The following COLEC12 variants were observed in gnomAD, a reference collection of about 807,000 sequenced individuals.
The protein encoded by COLEC12 is collectin-12.
COLEC12 carries 33 observed loss-of-function variants against 71.1 expected under a neutral mutation model. That is an observed-to-expected ratio of 0.46 (90% CI 0.35 to 0.62). The LOEUF (loss-of-function observed/expected upper bound fraction) is 0.62, where lower values mean the gene tolerates loss of function less well. Among genes scored for constraint, COLEC12 ranks in the 20% least tolerant of loss-of-function variants. The pLI, the probability that COLEC12 is intolerant of heterozygous loss-of-function variation, is 0.00. For synonymous variants in COLEC12, 350 were observed against 353.0 expected, an observed-to-expected ratio of 0.99 and a Z score of 0.10; for missense variants, 765 against 916.1, an observed-to-expected ratio of 0.84 and a Z score of 2.13.
chr18:499,371 A>G lies in COLEC12; in HGVS notation c.7+1137T>C, dbSNP rs148100022. ...CTTGGAAAGGGAGTGAATTGGTAGG[A>G]TATCATCGCTCCGGTTAGTTCCGCG... On this transcript the variant is annotated intron_variant, in intron 1 of 9. Transcript: ENST00000400256. Among the ~76,000 whole-genome samples, 1,430 of 152,260 alleles carry G rather than the reference A, an allele frequency of 9.4e-3. 29 individuals carry two copies. Among genetic ancestry groups the G allele is most frequent in the African/African-American group, 0.032 (1,309 of 41,548 alleles).
chr18:483,219 G>A (rs908151167), intron 1 of COLEC12, among the ~76,000 whole-genome samples: 5 of 151,898 alleles, frequency 3.3e-5, no homozygotes, highest in African/African-American at 1.2e-4. Context: ...GGCCAACATG[G>A]CGAAACCCCA....
chr18:443,965 C>T (rs185560287), intron 2 of COLEC12, among the ~76,000 whole-genome samples: 26 of 152,294 alleles, frequency 1.7e-4, no homozygotes, highest in African/African-American at 6.0e-4. Context: ...CTCCCTTCAC[C>T]TTCTGCCATG....
intron 2 of COLEC12, among the ~76,000 whole-genome samples, chr18:381,142 A>G (rs561989880): frequency 6.6e-5 from 10 of 152,326 alleles, no homozygotes; most frequent in African/African-American, 2.4e-4. Context: ...AACTCCTTGC[A>G]TTGCAAGGCA....
chr18:335,266 C>A (rs7232394), intron 5 of COLEC12, 36 bp from the exon 6 acceptor site: 84,165 of 1,558,182 alleles, frequency 0.054, 2,448 homozygotes, highest in Middle Eastern at 0.083. Flanking sequence ...AACATGAAAT[C>A]CACTGTGAAT....
rs185974630 is a variant in COLEC12, at chr18:473,161, C to G, written c.58+7546G>C. 1.0e-3 allele frequency among the ~76,000 whole-genome samples: 153 copies of G among 152,230 alleles called. 2 individuals are homozygous for G. Among genetic ancestry groups the G allele is most frequent in the Non-Finnish European group, 1.9e-3 (128 of 68,012 alleles). ...GTATGTGAATCAGGACTGTCTCACT[C>G]GAAAGACTTGCTTCCTGGGCACCAC... On this transcript the variant is annotated intron_variant, in intron 2 of 9. Transcript: ENST00000400256.
chr18:484,832 G>C (rs1319760778), intron 1 of COLEC12, among the ~76,000 whole-genome samples: 2 of 152,214 alleles, frequency 1.3e-5, no homozygotes, highest in African/African-American at 4.8e-5. Flanking sequence ...TGTTCCCCCA[G>C]GCCCACTCCC....
intron 5 of COLEC12, among the ~76,000 whole-genome samples, chr18:337,724 G>A (rs373988191): frequency 1.2e-4 from 18 of 152,196 alleles, no homozygotes; most frequent in African/African-American, 4.1e-4. Flanking sequence ...ATTTGCACCC[G>A]CTAGTGAAGG....
At chr18:464,408 C>T (rs1917046681) in intron 2 of COLEC12, among the ~76,000 whole-genome samples, 1 of 152,234 alleles carries the variant, frequency 6.6e-6, no homozygotes, top group African/African-American at 2.4e-5. Context: ...ATGGGACAGG[C>T]ACTAATGCTC....
In COLEC12 at chr18:417,562, C is replaced by T. The variant is rs145781773; in HGVS notation, c.59-60040G>A. Among the ~76,000 whole-genome samples the T allele has an allele frequency of 1.8e-3, 269 of 152,276 alleles. 1 individual carries two copies. Among genetic ancestry groups the T allele is most frequent in the Middle Eastern group, 0.014 (4 of 294 alleles). ...CCAAGGCCATCATCAACATGCCTGT[C>T]TAGTGACTGGGGCAGAGACTTATCT... is the stretch of plus-strand genomic sequence containing the variant. On this transcript the variant is annotated intron_variant, in intron 2 of 9. Coordinates refer to ENST00000400256, the MANE Select transcript of COLEC12 (RefSeq NM_130386.3).
chr18:464,789 G>A (rs1204224966), intron 2 of COLEC12, among the ~76,000 whole-genome samples: 1 of 152,192 alleles, frequency 6.6e-6, no homozygotes, highest in East Asian at 1.9e-4. Flanking sequence ...CTCATCCAAC[G>A]AACTCTCATT....
At chr18:389,089 T>C (rs539326635) in intron 2 of COLEC12, among the ~76,000 whole-genome samples, 10 of 152,282 alleles carry the variant, frequency 6.6e-5, no homozygotes, top group African/African-American at 2.4e-4. Flanking sequence ...ATTGGATTTA[T>C]AATTGATAGC....
intron 2 of COLEC12, among the ~76,000 whole-genome samples, chr18:458,309 A>C (rs1916910923): frequency 6.6e-6 from 1 of 152,232 alleles, no homozygotes; most frequent in Non-Finnish European, 1.5e-5. Context: ...AGAAAGCAAA[A>C]GGATCATTTT....
In COLEC12 at chr18:319,907, T is replaced by C; in HGVS notation, c.*138A>G. On this transcript the variant is annotated 3_prime_UTR_variant, in exon 10 of 10. Transcript: ENST00000400256. The stretch of plus-strand genomic sequence containing the variant: ...GGTAATGACGGATGGTAAAAAACAC[T>C]AGCTGTCAATTTTTTTTCAGTAATT... The C allele has an allele frequency of 1.5e-6, 1 of 677,904 alleles. No individual in the cohort carries two copies. Among genetic ancestry groups the C allele is most frequent in the Non-Finnish European group, 2.6e-6 (1 of 381,064 alleles). The allele number at this position is 677,904 out of a possible 1,614,324, so 42.0% of individuals were successfully genotyped here.
chr18:475,709 A>AT (rs1280788011), intron 2 of COLEC12, among the ~76,000 whole-genome samples: 3 of 152,138 alleles, frequency 2.0e-5, no homozygotes, highest in Non-Finnish European at 4.4e-5. Context: ...CCGTGCTGTG[A>AT]TTTTTCAGAA....
rs115320543 is a variant in COLEC12 at position 463,890 on chromosome 18, G to A, written c.58+16817C>T. On this transcript the variant is annotated intron_variant, in intron 2 of 9. Transcript: ENST00000400256. ...AGACCAGGCATTTTAATCAACTCAA[G>A]TTGAAATTCTTTTGCCTTGTTTTCT... Among the ~76,000 whole-genome samples, 1,452 of 152,234 alleles carry A rather than the reference G, an allele frequency of 9.5e-3. 20 individuals carry two copies. Among genetic ancestry groups the A allele is most frequent in the African/African-American group, 0.033 (1,381 of 41,516 alleles).
intron 2 of COLEC12, among the ~76,000 whole-genome samples, chr18:383,381 G>A (rs1027686561): frequency 2.0e-5 from 3 of 152,042 alleles, no homozygotes; most frequent in African/African-American, 4.8e-5. Flanking sequence ...AGGTGAGGAG[G>A]GAGTGAGGTC....
chr18:474,838 C>A (rs11081137), intron 2 of COLEC12, among the ~76,000 whole-genome samples: 3 of 151,904 alleles, frequency 2.0e-5, no homozygotes, highest in Non-Finnish European at 2.9e-5. Context: ...TTTTGGAGGC[C>A]AAGGCAGGCG....
At chr18:392,483 T>C (rs1017863927) in intron 2 of COLEC12, among the ~76,000 whole-genome samples, 7 of 152,244 alleles carry the variant, frequency 4.6e-5, no homozygotes, top group Non-Finnish European at 2.9e-5. Flanking sequence ...AGTTTATAAA[T>C]TATACCATGT....
At chr18:440,376 C>CAT (rs57907554) in intron 2 of COLEC12, among the ~76,000 whole-genome samples, 1 of 89,984 alleles carries the variant, frequency 1.1e-5, no homozygotes, top group Admixed American at 1.0e-4. Context: ...CACACACACA[C>CAT]ATACACACAC....
Sources: allele counts gnomAD v4.1 joint callset (sites outside exome capture counted in the v4.1 genomes callset), GRCh38; gene constraint gnomAD v4.1.1; transcripts MANE v1.5; gene names NCBI Gene and HGNC (gene_info 2026-07-23, HGNC 2026-07-21).